Variants in CACNA2D3 observed in about 807,000 individuals in gnomAD.
The protein encoded by CACNA2D3 is voltage-dependent calcium channel subunit alpha-2/delta-3.
In CACNA2D3, 60 loss-of-function variants were observed where a neutral mutation model predicts 160.6. That is an observed-to-expected ratio of 0.37 (90% confidence interval 0.30 to 0.46). The LOEUF (loss-of-function observed/expected upper bound fraction) is 0.46, where lower values mean the gene tolerates loss of function less well. Among genes scored for constraint, CACNA2D3 ranks in the 20% least tolerant of loss-of-function variants. The pLI is 1.00. For missense variants in CACNA2D3, 1,205 were observed against 1,365.0 expected (o/e 0.88, Z 1.85); for synonymous variants, 558 against 492.9 (o/e 1.13, Z -1.75).
At chr3:54,978,574 G>C (rs1421047951) in intron 29 of CACNA2D3, among the ~76,000 whole-genome samples, 1 of 152,176 alleles carries the variant, frequency 6.6e-6, no homozygotes, top group South Asian at 2.1e-4. Context: ...TACACAAAGA[G>C]TACAATAGCA....
chr3:54,984,731 G>A, intron 30 of CACNA2D3, 61 bp downstream of exon 30: 1 of 1,013,866 alleles, frequency 9.9e-7, no homozygotes, highest in South Asian at 1.5e-5. Context: ...GGGTCAGGGG[G>A]AACAAATTAT....
chr3:54,909,260 C>T (rs1490824302), intron 27 of CACNA2D3, among the ~76,000 whole-genome samples: 1 of 151,734 alleles, frequency 6.6e-6, no homozygotes, highest in Non-Finnish European at 1.5e-5. Context: ...CAGCATAATG[C>T]TTGGTAGAAC....
intron 27 of CACNA2D3, among the ~76,000 whole-genome samples, chr3:54,950,017 T>G (rs1320327142): frequency 6.6e-6 from 1 of 152,206 alleles, no homozygotes; most frequent in African/African-American, 2.4e-5. Flanking sequence ...AGATTCGTCT[T>G]GAAGTCTACC....
At chr3:54,253,837 G>A (rs761724057) in intron 2 of CACNA2D3, among the ~76,000 whole-genome samples, 5 of 151,860 alleles carry the variant, frequency 3.3e-5, no homozygotes, top group African/African-American at 7.3e-5. Context: ...GCACCATCTC[G>A]GCTCGCTGCA....
intron 13 of CACNA2D3, among the ~76,000 whole-genome samples, chr3:54,764,712 A>G (rs1055994643): frequency 1.5e-4 from 23 of 152,156 alleles, no homozygotes; most frequent in African/African-American, 5.3e-4. Context: ...AGTCCTGGCA[A>G]TGAATCTTTG....
chr3:54,641,926 AT>A (rs1190538472), intron 10 of CACNA2D3, among the ~76,000 whole-genome samples: 1 of 151,774 alleles, frequency 6.6e-6, no homozygotes, highest in Non-Finnish European at 1.5e-5. Context: ...TTAGAATTTT[AT>A]TTTTGGCTTA....
intron 11 of CACNA2D3, among the ~76,000 whole-genome samples, chr3:54,737,304 G>A (rs977115871): frequency 6.6e-6 from 1 of 151,562 alleles, no homozygotes; most frequent in Non-Finnish European, 1.5e-5. Flanking sequence ...AGAGGCCAAG[G>A]CAGAGACTAA....
intron 11 of CACNA2D3, among the ~76,000 whole-genome samples, chr3:54,663,245 C>T (rs1700003278): frequency 1.3e-5 from 2 of 152,192 alleles, no homozygotes; most frequent in South Asian, 4.1e-4. Context: ...TGACTAGCCT[C>T]TCTCTAGCTG....
chr3:54,420,377 C>T (rs1699819832), intron 4 of CACNA2D3, among the ~76,000 whole-genome samples: 1 of 152,246 alleles, frequency 6.6e-6, no homozygotes, highest in Admixed American at 6.5e-5. Flanking sequence ...GCCACCGCAC[C>T]TTGTCCCTAT....
chr3:54,600,779 T>A (rs1412462773), intron 9 of CACNA2D3, among the ~76,000 whole-genome samples: 1 of 152,044 alleles, frequency 6.6e-6, no homozygotes, highest in African/African-American at 2.4e-5. Flanking sequence ...GAGCGTCTAA[T>A]GAGCCGGGAG....
At chr3:54,619,025 C>G (rs1698924213) in intron 9 of CACNA2D3, among the ~76,000 whole-genome samples, 1 of 152,182 alleles carries the variant, frequency 6.6e-6, no homozygotes, top group African/African-American at 2.4e-5. Context: ...ACATGGAGAC[C>G]TTTGGAAATT....
intron 27 of CACNA2D3, among the ~76,000 whole-genome samples, chr3:54,919,824 C>T (rs527321746): frequency 6.6e-6 from 1 of 152,328 alleles, no homozygotes; most frequent in South Asian, 2.1e-4. Flanking sequence ...AACTCTTGTC[C>T]AGACTCACAG....
At chr3:54,218,184 G>A (rs1701498047) in intron 2 of CACNA2D3, among the ~76,000 whole-genome samples, 1 of 152,164 alleles carries the variant, frequency 6.6e-6, no homozygotes, top group Non-Finnish European at 1.5e-5. Flanking sequence ...TTCTCTTTGT[G>A]CTTCAACCAG....
intron 27 of CACNA2D3, among the ~76,000 whole-genome samples, chr3:54,946,486 G>A (rs1515957): frequency 0.037 from 5,661 of 152,282 alleles, 272 homozygotes; most frequent in African/African-American, 0.11. Flanking sequence ...AAAATGAAAG[G>A]AGGGGGGATG....
intron 2 of CACNA2D3, among the ~76,000 whole-genome samples, chr3:54,270,450 T>A (rs1702600157): frequency 6.6e-6 from 1 of 152,226 alleles, no homozygotes; most frequent in Non-Finnish European, 1.5e-5. Flanking sequence ...TTCAACAAGA[T>A]GTTGACGGTC....
At chr3:54,148,462 C>G (rs1700078309) in intron 2 of CACNA2D3, among the ~76,000 whole-genome samples, 1 of 152,182 alleles carries the variant, frequency 6.6e-6, no homozygotes, top group Non-Finnish European at 1.5e-5. Flanking sequence ...AGAACGTGTT[C>G]CCCACTGGAA....
At chr3:54,609,119 G>A (rs775372755) in intron 9 of CACNA2D3, among the ~76,000 whole-genome samples, 1 of 152,084 alleles carries the variant, frequency 6.6e-6, no homozygotes, top group Non-Finnish European at 1.5e-5. Context: ...GTTAAATGAG[G>A]TCATAAGGGT....
At chr3:54,614,217 T>C (rs1237213291) in intron 9 of CACNA2D3, among the ~76,000 whole-genome samples, 2 of 152,202 alleles carry the variant, frequency 1.3e-5, no homozygotes, top group African/African-American at 4.8e-5. Flanking sequence ...AGACCTCACT[T>C]CACTTAGACC....
intron 2 of CACNA2D3, among the ~76,000 whole-genome samples, chr3:54,200,278 C>T (rs9811264): frequency 0.95 from 144,996 of 152,304 alleles, 69,145 homozygotes; most frequent in East Asian, 1. Context: ...CTGAAGTCCC[C>T]AGTGCCATGC....
Sources: gnomAD v4.1 joint callset for allele counts (sites outside exome capture counted in the v4.1 genomes callset) on GRCh38, gnomAD v4.1.1 for gene constraint, MANE v1.5 for transcripts, NCBI Gene and HGNC (gene_info 2026-07-23, HGNC 2026-07-21) for gene names.